PLEKHB2: variants seen among roughly 807,000 people sequenced by gnomAD.
The protein encoded by PLEKHB2 is pleckstrin homology domain containing B2.
A neutral mutation model predicts 36.5 loss-of-function variants in PLEKHB2; 31 were observed. That is an observed-to-expected ratio of 0.85 (90% CI 0.64 to 1.15). The LOEUF is 1.15. PLEKHB2 is among the 50% of genes most tolerant of loss of function. PLEKHB2 has a pLI of 0.00. For missense variants in PLEKHB2, 262 were observed against 295.3 expected, an observed-to-expected ratio of 0.89 and a Z score of 0.83; for synonymous variants, 119 against 112.0, an observed-to-expected ratio of 1.06 and a Z score of -0.39.
chr2:131,142,065 A>C (rs1019682968), intron 7 of PLEKHB2, among the ~76,000 whole-genome samples: 1 of 152,010 alleles, frequency 6.6e-6, no homozygotes, highest in African/African-American at 2.4e-5. Context: ...TGCAGGGCAC[A>C]CTCACCCACA....
In PLEKHB2 at chr2:131,149,721, T is replaced by C. The variant is rs1473552421; in HGVS notation, c.*2948T>C. 2 of 152,260 alleles carry C rather than the reference T, an allele frequency of 1.3e-5. No individual in the cohort carries two copies. The highest frequency in any genetic ancestry group is 6.5e-5 in the Admixed American group (1 of 15,290). The allele number at this position is 152,260 out of a possible 1,614,324, so 9.4% of individuals were successfully genotyped here. On this transcript the variant is annotated 3_prime_UTR_variant, in exon 8 of 8. Transcript: ENST00000693505. ...CACTTTCTCCCCAGAGTTGATCTTT[T>C]TGTGATTGCTTTCCCGTCTCTAGTA...
At chr2:131,144,505 TC>T in intron 7 of PLEKHB2, 1 of 673,054 alleles carries the variant, frequency 1.5e-6, no homozygotes, top group Non-Finnish European at 2.1e-6. Context: ...CATCCTCCCA[TC>T]TTTTATAGTT....
chr2:131,121,071 A>G, intron 2 of PLEKHB2, 93 bp downstream of exon 2: 1 of 1,293,448 alleles, frequency 7.7e-7, no homozygotes, highest in Non-Finnish European at 1.1e-6. Context: ...AAAGCAAATA[A>G]CAAAGTTTTA....
intron 2 of PLEKHB2, among the ~76,000 whole-genome samples, chr2:131,125,478 T>C (rs1696996295): frequency 6.6e-6 from 1 of 152,198 alleles, no homozygotes; most frequent in Non-Finnish European, 1.5e-5. Flanking sequence ...AAGAGTTCTT[T>C]TTGTTTCTGC....
chr2:131,136,520 A>AT (rs1409747276), intron 6 of PLEKHB2, among the ~76,000 whole-genome samples: 1 of 151,336 alleles, frequency 6.6e-6, no homozygotes, highest in Non-Finnish European at 1.5e-5. Flanking sequence ...TGATCATGAG[A>AT]TTTTTCTTTT....
intron 1 of PLEKHB2, among the ~76,000 whole-genome samples, chr2:131,106,033 T>G (rs1694690821): frequency 6.6e-6 from 1 of 152,230 alleles, no homozygotes; most frequent in African/African-American, 2.4e-5. Flanking sequence ...GCAATGTCTT[T>G]AGTCATAAGT....
chr2:131,112,193 A>G (rs1258390565), intron 1 of PLEKHB2, among the ~76,000 whole-genome samples: 2 of 152,156 alleles, frequency 1.3e-5, no homozygotes, highest in Admixed American at 6.6e-5. Context: ...GGTTTAATCA[A>G]TCATGCTAAT....
At position 131,149,390 on chromosome 2, in the gene PLEKHB2, G is replaced by A. The variant is rs1699521866; in HGVS notation, c.*2617G>A. On this transcript the variant is annotated 3_prime_UTR_variant, in exon 8 of 8. Transcript: ENST00000693505. The stretch of plus-strand genomic sequence containing the variant: ...ACTTTTAAATAATCCATACCTTGAA[G>A]AAGTTGGCCAATGATATTATATACA... 6.6e-6 allele frequency: 1 copy of A among 152,198 alleles called. No homozygotes were observed. The highest frequency in any genetic ancestry group is 2.1e-4 in the South Asian group (1 of 4,832). 9.4% of individuals were successfully genotyped at this position (152,198 alleles called of 1,614,324 possible). A position where few individuals can be genotyped will look rare whatever the true frequency, so the allele number is the denominator to read the frequency against.
chr2:131,105,583 C>G (rs1210783822), intron 1 of PLEKHB2, among the ~76,000 whole-genome samples, 185 bp downstream of exon 1: 1 of 152,054 alleles, frequency 6.6e-6, no homozygotes, highest in African/African-American at 2.4e-5. Flanking sequence ...CCGCCCACCT[C>G]CCTGGACCAC....
chr2:131,111,557 C>A (rs1343859201), intron 1 of PLEKHB2, among the ~76,000 whole-genome samples: 5 of 148,588 alleles, frequency 3.4e-5, no homozygotes, highest in Non-Finnish European at 7.4e-5. Context: ...GTGGCACTAT[C>A]TCGGCTCACT....
chr2:131,144,924 A>G (rs925272711), intron 7 of PLEKHB2, among the ~76,000 whole-genome samples: 4 of 152,272 alleles, frequency 2.6e-5, no homozygotes, highest in African/African-American at 9.6e-5. Context: ...GGGCTGTGAA[A>G]GTAAATGCCG....
chr2:131,146,695 C>T lies in PLEKHB2; in HGVS notation c.591C>T (p.Asn197=), dbSNP rs772816271. 51 of 1,613,830 alleles carry T rather than the reference C, an allele frequency of 3.2e-5. No homozygotes were observed. Among genetic ancestry groups the T allele is most frequent in the Non-Finnish European group, 4.0e-5 (47 of 1,179,914 alleles). Residue 197 remains asparagine, a synonymous_variant, in exon 8 of 8, where the codon AAC becomes AAT. Transcript: ENST00000693505. ...TCATTCGAGAGCGCTATCGAGACAA[C>T]GACAGCGACCTGGCACTGGGCATGC... ...QVIIRERYRD[N]DSDLALGMLA...
intron 7 of PLEKHB2, among the ~76,000 whole-genome samples, chr2:131,140,765 G>A (rs1432276134): frequency 6.6e-6 from 1 of 152,216 alleles, no homozygotes; most frequent in Non-Finnish European, 1.5e-5. Flanking sequence ...TGAGTAACTG[G>A]TGTAGAGGTA....
Position 131,132,977 on chromosome 2 carries a change from G to A in PLEKHB2, c.409G>A (p.Ala137Thr). 6.2e-7 allele frequency: 1 copy of A among 1,613,350 alleles called. No individual in the cohort carries two copies. The highest frequency in any genetic ancestry group is 8.5e-7 in the Non-Finnish European group (1 of 1,179,318). ...SSPPPYTAYAAPAPEQAYGYG... is the reference protein window; with the variant it reads ...SSPPPYTAYATPAPEQAYGYG... ...ACCTCCACCATACACGGCCTATGCT[G>A]CACCGGCCCCTGAGGTAGGGAGAAC... is the stretch of plus-strand genomic sequence containing the variant. Residue 137 changes from alanine (A) to threonine (T), a missense_variant, in exon 6 of 8, where the codon GCA (alanine) becomes ACA (threonine). Transcript: ENST00000693505.
intron 4 of PLEKHB2, among the ~76,000 whole-genome samples, chr2:131,128,663 A>G (rs1231458975): frequency 6.6e-6 from 1 of 152,150 alleles, no homozygotes; most frequent in Non-Finnish European, 1.5e-5. Context: ...CTTCAATACA[A>G]CCCCAAATGA....
chr2:131,143,186 T>C (rs1322427533), intron 7 of PLEKHB2, among the ~76,000 whole-genome samples: 2 of 152,194 alleles, frequency 1.3e-5, no homozygotes, highest in African/African-American at 4.8e-5. Flanking sequence ...GTTAGGCGTA[T>C]TAAATGCATT....
intron 5 of PLEKHB2, among the ~76,000 whole-genome samples, chr2:131,131,693 C>T (rs1697700653): frequency 6.6e-6 from 1 of 151,508 alleles, no homozygotes; most frequent in African/African-American, 2.4e-5. Flanking sequence ...CCTTTGTTAG[C>T]ACACAACAAC....
intron 4 of PLEKHB2, among the ~76,000 whole-genome samples, chr2:131,129,504 A>G (rs1218376320): frequency 6.6e-6 from 1 of 151,938 alleles, no homozygotes; most frequent in African/African-American, 2.4e-5. Context: ...TGCACAAGAG[A>G]ACACTATTTT....
chr2:131,114,077 C>A (rs764556281), intron 1 of PLEKHB2, among the ~76,000 whole-genome samples: 4 of 151,616 alleles, frequency 2.6e-5, no homozygotes, highest in African/African-American at 4.8e-5. Context: ...TGTTGTGTCT[C>A]GTCTGCTTTT....
Sources: gnomAD v4.1 joint callset for allele counts (sites outside exome capture counted in the v4.1 genomes callset) on GRCh38, gnomAD v4.1.1 for gene constraint, MANE v1.5 for transcripts, NCBI Gene and HGNC (gene_info 2026-07-23, HGNC 2026-07-21) for gene names.